NTF3: variants seen among roughly 807,000 people sequenced by gnomAD.
The protein encoded by NTF3 is neurotrophin-3.
NTF3 carries 8 observed loss-of-function variants against 26.3 expected under a neutral mutation model. The observed-to-expected ratio is 0.30, with a 90% confidence interval of 0.18 to 0.55. The LOEUF (loss-of-function observed/expected upper bound fraction) is 0.55. Among genes scored for constraint, NTF3 ranks in the 20% least tolerant of loss-of-function variants. The probability of loss-of-function intolerance (pLI) is 0.93; values close to 1 mark genes in which losing one functional copy is unlikely to be tolerated. For synonymous variants in NTF3, 154 were observed against 145.5 expected, an observed-to-expected ratio of 1.06 and a Z score of -0.42; for missense variants, 276 against 352.9, an observed-to-expected ratio of 0.78 and a Z score of 1.75.
intron 1 of NTF3, among the ~76,000 whole-genome samples, chr12:5,437,727 A>T (rs1940187422): frequency 6.6e-6 from 1 of 152,100 alleles, no homozygotes; most frequent in Admixed American, 6.5e-5. Context: ...AGGGTTTTAG[A>T]TTTAGTTTTA....
At chr12:5,444,582 A>G (rs1940280583) in intron 1 of NTF3, among the ~76,000 whole-genome samples, 1 of 152,210 alleles carries the variant, frequency 6.6e-6, no homozygotes, top group Admixed American at 6.5e-5. Context: ...AACTGAAAGA[A>G]GCCCAGGGAG....
intron 1 of NTF3, among the ~76,000 whole-genome samples, chr12:5,472,173 C>T (rs1189634364): frequency 6.6e-6 from 1 of 152,094 alleles, no homozygotes; most frequent in Non-Finnish European, 1.5e-5. Context: ...TACACACTGA[C>T]ATTACCCTCA....
At chr12:5,445,119 A>G (rs533118230) in intron 1 of NTF3, among the ~76,000 whole-genome samples, 15 of 152,316 alleles carry the variant, frequency 9.8e-5, no homozygotes, top group African/African-American at 3.1e-4. Flanking sequence ...CATCCCAGAA[A>G]ATCTGAAACT....
chr12:5,476,559 G>GT (rs1221025013), intron 1 of NTF3, among the ~76,000 whole-genome samples: 1 of 152,210 alleles, frequency 6.6e-6, no homozygotes, highest in Non-Finnish European at 1.5e-5. Context: ...CTGATCTGAG[G>GT]TTGGAGCTGC....
intron 1 of NTF3, among the ~76,000 whole-genome samples, chr12:5,435,845 C>T (rs1940161474): frequency 6.6e-6 from 1 of 152,074 alleles, no homozygotes; most frequent in Non-Finnish European, 1.5e-5. Context: ...CAGGTGCGTG[C>T]ACATGCACTT....
chr12:5,466,556 T>C (rs1223577472), intron 1 of NTF3, among the ~76,000 whole-genome samples: 1 of 152,202 alleles, frequency 6.6e-6, no homozygotes, highest in East Asian at 1.9e-4. Context: ...GGCATGTGTG[T>C]GCAAACACTC....
chr12:5,473,026 G>A (rs776270323), intron 1 of NTF3, among the ~76,000 whole-genome samples: 23 of 152,190 alleles, frequency 1.5e-4, no homozygotes, highest in Non-Finnish European at 3.1e-4. Flanking sequence ...CAGCAGCAGA[G>A]TTCCCGTCTT....
chr12:5,435,103 A>G (rs1940150672), intron 1 of NTF3, among the ~76,000 whole-genome samples: 1 of 152,174 alleles, frequency 6.6e-6, no homozygotes. Context: ...GTGCATTGGC[A>G]CTGGGTGGGA....
intron 1 of NTF3, among the ~76,000 whole-genome samples, chr12:5,476,036 G>A (rs77199709): frequency 0.018 from 2,808 of 152,196 alleles, 85 homozygotes; most frequent in African/African-American, 0.06. Flanking sequence ...ATGGGTGTGG[G>A]TCCCAGAGTG....
intron 1 of NTF3, among the ~76,000 whole-genome samples, chr12:5,493,899 G>A (rs983365071): frequency 8.5e-5 from 13 of 152,152 alleles, no homozygotes; most frequent in African/African-American, 2.2e-4. Flanking sequence ...TAAAGAAGCG[G>A]TAGGACATCG....
chr12:5,438,735 G>C (rs1940202866), intron 1 of NTF3, among the ~76,000 whole-genome samples: 1 of 152,230 alleles, frequency 6.6e-6, no homozygotes, highest in Non-Finnish European at 1.5e-5. Context: ...ACCAGGTTCA[G>C]TGACTGGGCT....
intron 1 of NTF3, among the ~76,000 whole-genome samples, chr12:5,493,724 G>T (rs1363414529): frequency 6.6e-6 from 1 of 152,096 alleles, no homozygotes; most frequent in Non-Finnish European, 1.5e-5. Flanking sequence ...TGTGTTCCAG[G>T]GGCTGCAGCT....
intron 1 of NTF3, among the ~76,000 whole-genome samples, chr12:5,475,369 G>T (rs1591602827): frequency 6.6e-6 from 1 of 152,238 alleles, no homozygotes; most frequent in Middle Eastern, 3.4e-3. Context: ...TAGGGACCTG[G>T]TGCAGGTGGG....
chr12:5,434,464 T>G (rs2121131748), intron 1 of NTF3, among the ~76,000 whole-genome samples: 1 of 141,484 alleles, frequency 7.1e-6, no homozygotes, highest in East Asian at 2.0e-4. Context: ...ATGGGGATGT[T>G]TTTCCAAAGT....
chr12:5,491,263 T>C (rs1940932686), intron 1 of NTF3, among the ~76,000 whole-genome samples: 1 of 152,208 alleles, frequency 6.6e-6, no homozygotes, highest in African/African-American at 2.4e-5. Flanking sequence ...AGCAACATTC[T>C]TGGACTTGCT....
chr12:5,440,596 CA>C (rs981077266), intron 1 of NTF3, among the ~76,000 whole-genome samples: 32 of 152,208 alleles, frequency 2.1e-4, no homozygotes, highest in African/African-American at 7.0e-4. Context: ...AGGTGTGTCC[CA>C]TGGTGGGGAA....
At chr12:5,493,237 T>C (rs1421073090) in intron 1 of NTF3, among the ~76,000 whole-genome samples, 1 of 152,178 alleles carries the variant, frequency 6.6e-6, no homozygotes, top group African/African-American at 2.4e-5. Flanking sequence ...CGGAGTCCGG[T>C]GTTAAGCTTC....
chr12:5,473,697 C>T (rs147303764), intron 1 of NTF3, among the ~76,000 whole-genome samples: 28 of 152,340 alleles, frequency 1.8e-4, no homozygotes, highest in Non-Finnish European at 4.1e-4. Context: ...CATCCTAGTG[C>T]AGCTATCCTT....
chr12:5,490,856 G>A (rs1940927477), intron 1 of NTF3, among the ~76,000 whole-genome samples: 1 of 152,194 alleles, frequency 6.6e-6, no homozygotes, highest in South Asian at 2.1e-4. Context: ...AGATTGCTGT[G>A]AGCCAGATGT....
Sources: gnomAD v4.1 joint callset for allele counts (sites outside exome capture counted in the v4.1 genomes callset) on GRCh38, gnomAD v4.1.1 for gene constraint, MANE v1.5 for transcripts, NCBI Gene and HGNC (gene_info 2026-07-23, HGNC 2026-07-21) for gene names.